The following ANAPC10 variants were observed in gnomAD, a reference collection of about 807,000 sequenced individuals.
The protein encoded by ANAPC10 is anaphase-promoting complex subunit 10.
In ANAPC10, 12 loss-of-function variants were observed where a neutral mutation model predicts 22.0. The ratio of observed to expected loss-of-function variants is 0.55; its 90% CI spans 0.35 to 0.88. The LOEUF (loss-of-function observed/expected upper bound fraction) is 0.88. Ranked by LOEUF, ANAPC10 falls within the 40% of genes least tolerant of loss-of-function variation. The pLI, the probability that ANAPC10 is intolerant of heterozygous loss-of-function variation, is 0.01. For synonymous variants in ANAPC10, 65 were observed against 69.5 expected (o/e 0.94, Z 0.32); for missense variants, 188 against 220.9 (o/e 0.85, Z 0.94).
At chr4:145,095,513 C>T (rs956871714) in intron 2 of ANAPC10, among the ~76,000 whole-genome samples, 2 of 152,160 alleles carry the variant, frequency 1.3e-5, no homozygotes, top group Admixed American at 6.6e-5. Context: ...GCTTGATGAT[C>T]CAGAATCACC....
At chr4:145,073,755 A>G (rs1744812653) in intron 3 of ANAPC10, among the ~76,000 whole-genome samples, 1 of 152,096 alleles carries the variant, frequency 6.6e-6, no homozygotes, top group Non-Finnish European at 1.5e-5. Context: ...TATTTTTCTC[A>G]GCATTCTTGT....
At chr4:145,051,152 A>G (rs1741043017) in intron 4 of ANAPC10, among the ~76,000 whole-genome samples, 1 of 152,190 alleles carries the variant, frequency 6.6e-6, no homozygotes, top group Non-Finnish European at 1.5e-5. Context: ...TTAGAGGCCT[A>G]ATTGAATCAA....
chr4:145,096,193 T>C, intron 1 of ANAPC10, 82 bp from the exon 2 acceptor site: 5 of 1,383,464 alleles, frequency 3.6e-6, no homozygotes, highest in Non-Finnish European at 5.0e-6. Context: ...AAAAATTTAA[T>C]GGAACTCATA....
chr4:145,074,430 G>C (rs1013783780), intron 3 of ANAPC10, among the ~76,000 whole-genome samples: 2 of 151,908 alleles, frequency 1.3e-5, no homozygotes, highest in Non-Finnish European at 2.9e-5. Context: ...ATGGCTGATA[G>C]AACAGCACCT....
intron 3 of ANAPC10, among the ~76,000 whole-genome samples, chr4:145,065,838 A>C (rs1743595220): frequency 6.6e-6 from 1 of 151,954 alleles, no homozygotes; most frequent in Non-Finnish European, 1.5e-5. Context: ...ATAGAAAAAG[A>C]CCTAGGTGGA....
At chr4:145,028,257 C>G (rs555285918) in intron 4 of ANAPC10, among the ~76,000 whole-genome samples, 1 of 152,166 alleles carries the variant, frequency 6.6e-6, no homozygotes, top group Admixed American at 6.5e-5. Context: ...CAGCTTCCAG[C>G]GAATATAAAG....
At chr4:145,067,608 T>G (rs1225091537) in intron 3 of ANAPC10, among the ~76,000 whole-genome samples, 2 of 152,216 alleles carry the variant, frequency 1.3e-5, no homozygotes, top group Non-Finnish European at 2.9e-5. Flanking sequence ...CACACTTGAC[T>G]AAGATATAAT....
chr4:145,090,625 A>T (rs900586191), intron 2 of ANAPC10, among the ~76,000 whole-genome samples: 1 of 152,220 alleles, frequency 6.6e-6, no homozygotes, highest in African/African-American at 2.4e-5. Context: ...ATCTTTGTCA[A>T]ATTACTTAAT....
At chr4:145,005,994 G>C (rs1733287601) in intron 4 of ANAPC10, among the ~76,000 whole-genome samples, 1 of 152,048 alleles carries the variant, frequency 6.6e-6, no homozygotes, top group African/African-American at 2.4e-5. Context: ...GTTGAGTTCA[G>C]ATCCTGAATA....
At chr4:145,022,927 G>T (rs1467736093) in intron 4 of ANAPC10, among the ~76,000 whole-genome samples, 1 of 151,876 alleles carries the variant, frequency 6.6e-6, no homozygotes. Flanking sequence ...ACAACATGCA[G>T]GTTTGTTACA....
At chr4:145,059,851 TAA>T (rs34293470) in intron 4 of ANAPC10, among the ~76,000 whole-genome samples, 2 of 149,466 alleles carry the variant, frequency 1.3e-5, no homozygotes, top group Non-Finnish European at 3.0e-5. Context: ...CTCTAAATGA[TAA>T]AAAAAAAATC....
chr4:145,052,112 G>A, intron 4 of ANAPC10, among the ~76,000 whole-genome samples: 1 of 152,146 alleles, frequency 6.6e-6, no homozygotes, highest in East Asian at 1.9e-4. Flanking sequence ...CTGGGAGTAA[G>A]GGGGACAGTT....
At chr4:144,999,247 T>C in intron 4 of ANAPC10, 1 of 155,276 alleles carries the variant, frequency 6.4e-6, no homozygotes, top group Middle Eastern at 3.1e-3. Flanking sequence ...AAAGAGGGAA[T>C]CCTCCCTACC....
chr4:145,075,167 T>C (rs1282573419), intron 3 of ANAPC10, among the ~76,000 whole-genome samples: 2 of 152,126 alleles, frequency 1.3e-5, no homozygotes, highest in African/African-American at 2.4e-5. Context: ...TACTAGCTTT[T>C]TTAGCAACCA....
chr4:145,032,032 C>T lies in ANAPC10; in HGVS notation c.327+32540G>A, dbSNP rs1455881089. Among the ~76,000 whole-genome samples, 5 of 152,196 alleles carry T rather than the reference C, an allele frequency of 3.3e-5. No individual in the cohort carries two copies. The East Asian group carries it at 7.7e-4, about 23-fold the overall frequency. On this transcript the variant is annotated intron_variant, in intron 4 of 4. Coordinates refer to ENST00000507656, the MANE Select transcript of ANAPC10 (RefSeq NM_001256706.2). ...GCACAAGTTACATGAGGAAGTGGCT[C>T]GAATGCCCATGTTCTCCACTCCTGC...
intron 4 of ANAPC10, among the ~76,000 whole-genome samples, chr4:145,029,500 T>C (rs1017699954): frequency 6.6e-6 from 1 of 151,956 alleles, no homozygotes; most frequent in Non-Finnish European, 1.5e-5. Flanking sequence ...TAAACAGAAA[T>C]CTAGAGAACA....
At chr4:145,003,500 G>A (rs909671464) in intron 4 of ANAPC10, among the ~76,000 whole-genome samples, 2 of 151,886 alleles carry the variant, frequency 1.3e-5, no homozygotes, top group Admixed American at 1.3e-4. Context: ...CCCAACAGCA[G>A]TATTACCGAT....
intron 4 of ANAPC10, among the ~76,000 whole-genome samples, chr4:145,049,528 T>A (rs1740797573): frequency 6.6e-6 from 1 of 152,208 alleles, no homozygotes; most frequent in African/African-American, 2.4e-5. Context: ...ACTCTTCACC[T>A]GTTCAAGTTT....
Position 145,081,734 on chromosome 4 carries a change from C to T in ANAPC10, c.132G>A (p.Gln44=), listed in dbSNP as rs779983258. 1.7e-5 allele frequency: 27 copies of T among 1,612,654 alleles called. No individual in the cohort carries two copies. The highest frequency in any genetic ancestry group is 2.3e-5 in the Non-Finnish European group (27 of 1,179,350). ...AAGTTTCTAGATTGTCATCTCGTAA[C>T]TGATCCACTCCAAATCCTAAAAACA... ...SSCKPGFGVD[Q]LRDDNLETYW... The change falls in exon 3 of 5, where the codon CAG becomes CAA. Residue 44 remains glutamine (Q), a synonymous_variant. Coordinates refer to ENST00000507656, the MANE Select transcript of ANAPC10 (RefSeq NM_001256706.2).
Sources: allele counts gnomAD v4.1 joint callset (sites outside exome capture counted in the v4.1 genomes callset), GRCh38; gene constraint gnomAD v4.1.1; transcripts MANE v1.5; gene names NCBI Gene and HGNC (gene_info 2026-07-23, HGNC 2026-07-21).